Variants in DOCK1 observed in about 807,000 individuals in gnomAD.
The protein encoded by DOCK1 is dedicator of cytokinesis protein 1.
In DOCK1, 138 loss-of-function variants were observed where a neutral mutation model predicts 262.7. The observed-to-expected ratio is 0.53, with a 90% confidence interval of 0.46 to 0.61. The LOEUF (loss-of-function observed/expected upper bound fraction) is 0.61. Ranked by LOEUF, DOCK1 falls within the 20% of genes least tolerant of loss-of-function variation. The pLI, the probability that DOCK1 is intolerant of heterozygous loss-of-function variation, is 0.00. For synonymous variants in DOCK1, 866 were observed against 867.4 expected, an observed-to-expected ratio of 1.00 and a Z score of 0.03; for missense variants, 1,908 against 2,370.7, an observed-to-expected ratio of 0.80 and a Z score of 4.05.
At chr10:127,036,076 C>T (rs762425090) in intron 18 of DOCK1, among the ~76,000 whole-genome samples, 9 of 151,984 alleles carry the variant, frequency 5.9e-5, no homozygotes, top group African/African-American at 1.7e-4. Flanking sequence ...TCGTCATCCT[C>T]TCCTGGGATG....
intron 15 of DOCK1, 140 bp from the exon 16 acceptor site, chr10:127,026,210 CAT>C: frequency 1.2e-6 from 1 of 813,782 alleles, no homozygotes; most frequent in Non-Finnish European, 1.9e-6. Flanking sequence ...TTGGAAAAAT[CAT>C]ATAGGGGACT....
chr10:126,966,030 C>T (rs1459079917), intron 1 of DOCK1, among the ~76,000 whole-genome samples: 1 of 152,188 alleles, frequency 6.6e-6, no homozygotes, highest in African/African-American at 2.4e-5. Flanking sequence ...CCCCCCTACC[C>T]TTCTTAGGCT....
chr10:127,090,515 T>A (rs11016124), intron 23 of DOCK1, among the ~76,000 whole-genome samples: 23,781 of 151,924 alleles, frequency 0.16, 2,259 homozygotes, highest in African/African-American at 0.26. Flanking sequence ...AAAATACATA[T>A]AACATAAAGT....
At position 127,175,489 on chromosome 10, in the gene DOCK1, T is replaced by G. The variant is rs765252753; in HGVS notation, c.2847+47725T>G. The G allele has an allele frequency of 6.2e-7, 1 of 1,608,878 alleles. No individual in the cohort carries two copies. Among genetic ancestry groups the G allele is most frequent in the Non-Finnish European group, 8.5e-7 (1 of 1,179,992 alleles). ...ATCGGGGGTGAGCAGGCCAGGGCAGTTTCCGAGGGCGCCTGGAGCCCGTTG... is the reference window on the plus strand; with the variant it reads ...ATCGGGGGTGAGCAGGCCAGGGCAGGTTCCGAGGGCGCCTGGAGCCCGTTG... On this transcript the variant is annotated intron_variant, in intron 27 of 51. Transcript: ENST00000623213. The surrounding 1 kb of genome is among the most constrained non-coding windows in gnomAD (Gnocchi z 6.3).
At chr10:127,187,093 C>T (rs1019691557) in intron 27 of DOCK1, among the ~76,000 whole-genome samples, 15 of 152,212 alleles carry the variant, frequency 9.9e-5, no homozygotes, top group African/African-American at 3.6e-4. Context: ...AGCCCAGGCT[C>T]GGGCAGGCAC....
chr10:127,268,886 A>G (rs2060467787), intron 29 of DOCK1, among the ~76,000 whole-genome samples: 1 of 152,078 alleles, frequency 6.6e-6, no homozygotes, highest in Admixed American at 6.6e-5. Flanking sequence ...CACACGTTGA[A>G]AATATTAGCA....
intron 18 of DOCK1, among the ~76,000 whole-genome samples, chr10:127,035,930 A>G (rs1428628367): frequency 2.0e-5 from 3 of 151,818 alleles, no homozygotes; most frequent in Non-Finnish European, 4.4e-5. Context: ...TGAGCCTGGG[A>G]GTTAGAGGCT....
At chr10:126,994,572 A>G (rs1339606542) in intron 6 of DOCK1, among the ~76,000 whole-genome samples, 2 of 152,196 alleles carry the variant, frequency 1.3e-5, no homozygotes, top group Non-Finnish European at 2.9e-5. Context: ...CACATCTTGC[A>G]CCGCCCTTAA....
At chr10:127,204,531 C>T (rs1254571559) in intron 27 of DOCK1, among the ~76,000 whole-genome samples, 1 of 152,130 alleles carries the variant, frequency 6.6e-6, no homozygotes, top group Non-Finnish European at 1.5e-5. Flanking sequence ...AAGCAATCCA[C>T]CTGCCTCAGT....
At chr10:127,339,909 A>G (rs2063359981) in intron 30 of DOCK1, among the ~76,000 whole-genome samples, 1 of 152,188 alleles carries the variant, frequency 6.6e-6, no homozygotes, top group Non-Finnish European at 1.5e-5. Context: ...GCATGCAGAT[A>G]CAAATGGCAT....
chr10:127,411,505 A>G (rs1345740741), intron 43 of DOCK1, among the ~76,000 whole-genome samples: 1 of 152,178 alleles, frequency 6.6e-6, no homozygotes, highest in Non-Finnish European at 1.5e-5. Context: ...AACACTGCCT[A>G]CTAGGTGCCA....
intron 1 of DOCK1, among the ~76,000 whole-genome samples, chr10:126,910,137 A>T (rs1033203318): frequency 6.6e-6 from 1 of 152,272 alleles, no homozygotes; most frequent in Non-Finnish European, 1.5e-5. Flanking sequence ...AGATTTGATC[A>T]TAAGTAAATA....
At chr10:126,945,282 G>C (rs2035306685) in intron 1 of DOCK1, among the ~76,000 whole-genome samples, 1 of 151,962 alleles carries the variant, frequency 6.6e-6, no homozygotes, top group Non-Finnish European at 1.5e-5. Context: ...CTCACATGGT[G>C]GTGTTGGCAG....
chr10:127,393,290 A>C (rs924802377), intron 38 of DOCK1, among the ~76,000 whole-genome samples: 3 of 152,218 alleles, frequency 2.0e-5, no homozygotes, highest in Non-Finnish European at 2.9e-5. Context: ...GTGGGACGTC[A>C]GTCTGGCAAA....
At chr10:126,963,120 TA>T (rs1414322252) in intron 1 of DOCK1, among the ~76,000 whole-genome samples, 1 of 152,228 alleles carries the variant, frequency 6.6e-6, no homozygotes, top group African/African-American at 2.4e-5. Context: ...CTGTTTTGAT[TA>T]CTGTAGCTTT....
chr10:127,245,095 T>A (rs1348168574), intron 27 of DOCK1, among the ~76,000 whole-genome samples: 1 of 152,226 alleles, frequency 6.6e-6, no homozygotes, highest in Non-Finnish European at 1.5e-5. Context: ...TGCAGGGTTC[T>A]GCTGTGTTCA....
chr10:127,022,963 T>C (rs2042551429), intron 13 of DOCK1, among the ~76,000 whole-genome samples: 1 of 152,194 alleles, frequency 6.6e-6, no homozygotes, highest in Non-Finnish European at 1.5e-5. Context: ...GCCCAGATGA[T>C]AACCAAGCAG....
At chr10:127,214,510 A>C (rs1466559028) in intron 27 of DOCK1, among the ~76,000 whole-genome samples, 1 of 152,228 alleles carries the variant, frequency 6.6e-6, no homozygotes, top group African/African-American at 2.4e-5. Context: ...TGATGGGTGC[A>C]GCTGTGGTCC....
intron 27 of DOCK1, among the ~76,000 whole-genome samples, chr10:127,177,440 C>A (rs577615785): frequency 3.3e-5 from 5 of 152,212 alleles, no homozygotes; most frequent in African/African-American, 1.2e-4. Context: ...TTGATGGCTG[C>A]GCTTAAAGCA....
Sources: gnomAD v4.1 joint callset for allele counts (sites outside exome capture counted in the v4.1 genomes callset) on GRCh38, gnomAD v4.1.1 for gene constraint, Gnocchi (gnomAD v3.1) non-coding constraint, MANE v1.5 for transcripts, NCBI Gene and HGNC (gene_info 2026-07-23, HGNC 2026-07-21) for gene names.